ICE1: variants seen among roughly 807,000 people sequenced by gnomAD.
The protein encoded by ICE1 is little elongation complex subunit 1.
A neutral mutation model predicts 192.7 loss-of-function variants in ICE1; 64 were observed. The observed-to-expected ratio is 0.33, with a 90% CI of 0.27 to 0.41. The LOEUF (loss-of-function observed/expected upper bound fraction) is 0.41. ICE1 is among the 10% of genes least tolerant of loss of function. ICE1 has a pLI of 1.00. For missense variants in ICE1, 2,708 were observed against 2,696.0 expected (o/e 1.00, Z -0.10); for synonymous variants, 1,010 against 984.5 (o/e 1.03, Z -0.49).
At chr5:5,434,219 C>T (rs1285214262) in intron 1 of ICE1, among the ~76,000 whole-genome samples, 1 of 152,128 alleles carries the variant, frequency 6.6e-6, no homozygotes, top group African/African-American at 2.4e-5. Context: ...CAACCAATAA[C>T]CTGGAACAGA....
chr5:5,444,019 C>T (rs549435602), intron 6 of ICE1, among the ~76,000 whole-genome samples: 23 of 152,290 alleles, frequency 1.5e-4, no homozygotes, highest in African/African-American at 5.3e-4. Context: ...AATGATGCCA[C>T]TGCAGTTCAG....
chr5:5,456,657 C>T (rs745331270), intron 11 of ICE1, among the ~76,000 whole-genome samples: 2 of 151,914 alleles, frequency 1.3e-5, no homozygotes, highest in Non-Finnish European at 2.9e-5. Context: ...CTTCCCAGCC[C>T]GATAATCAAC....
chr5:5,488,768 T>C (rs1440125062), intron 18 of ICE1, among the ~76,000 whole-genome samples: 1 of 152,214 alleles, frequency 6.6e-6, no homozygotes, highest in African/African-American at 2.4e-5. Flanking sequence ...TAGAGTCATA[T>C]GTTTAATGAA....
chr5:5,483,215 CA>C (rs1485327635), intron 17 of ICE1, among the ~76,000 whole-genome samples: 1 of 152,238 alleles, frequency 6.6e-6, no homozygotes, highest in African/African-American at 2.4e-5. Flanking sequence ...AGGCTGGTCT[CA>C]AACTCCCGGC....
In ICE1 at chr5:5,454,542, T is replaced by C. The variant is rs772139289; in HGVS notation, c.605-10T>C. The C allele has an allele frequency of 5.6e-6, 9 of 1,605,660 alleles. No homozygotes were observed. Among genetic ancestry groups the C allele is most frequent in the South Asian group, 4.4e-5 (4 of 90,688 alleles). ...ATGACGTGACTTTAATGCTTTGCTC[T>C]GTTTCACAGGAAAAGTGAAACTGCT... On this transcript the variant is annotated splice_polypyrimidine_tract_variant and intron_variant, in intron 10 of 18. Coordinates refer to ENST00000296564, the MANE Select transcript of ICE1 (RefSeq NM_015325.3).
chr5:5,429,666 C>T (rs936999269), intron 1 of ICE1, among the ~76,000 whole-genome samples: 2 of 152,152 alleles, frequency 1.3e-5, no homozygotes, highest in African/African-American at 4.8e-5. Context: ...TTAGCATAAC[C>T]ATTTTCCTGG....
chr5:5,435,906 G>T (rs1203745215), intron 1 of ICE1, among the ~76,000 whole-genome samples: 3 of 151,956 alleles, frequency 2.0e-5, no homozygotes, highest in Non-Finnish European at 4.4e-5. Flanking sequence ...CTGACCTCAG[G>T]TAATCCGCCT....
At chr5:5,471,567 A>C (rs1014845791) in intron 15 of ICE1, among the ~76,000 whole-genome samples, 5 of 152,162 alleles carry the variant, frequency 3.3e-5, no homozygotes, top group Non-Finnish European at 5.9e-5. Flanking sequence ...TTCAGTATGT[A>C]TTCAAAGAAT....
At chr5:5,445,471 T>A (rs925402858) in intron 7 of ICE1, among the ~76,000 whole-genome samples, 1 of 152,156 alleles carries the variant, frequency 6.6e-6, no homozygotes, top group African/African-American at 2.4e-5. Context: ...TCTCTCTCTG[T>A]CACTCAGGCT....
At position 5,423,879 on chromosome 5, in the gene ICE1, A is replaced by G. The variant is rs535525362; in HGVS notation, c.84+880A>G. Reference sequence around the variant, plus strand: ...ATAGGATCTCTCATAAGTAAGATGCATATGTGTGAATAAGGCCTCAGAAGA... The same window carrying G: ...ATAGGATCTCTCATAAGTAAGATGCGTATGTGTGAATAAGGCCTCAGAAGA... On this transcript the variant is annotated intron_variant, in intron 1 of 18. Transcript: ENST00000296564. Among the ~76,000 whole-genome samples the G allele has an allele frequency of 2.0e-5, 3 of 152,368 alleles. No individual in the cohort carries two copies. The South Asian group carries it at 6.2e-4, about 32-fold the overall frequency.
intron 1 of ICE1, among the ~76,000 whole-genome samples, chr5:5,423,892 A>C (rs779371632): frequency 1.3e-5 from 2 of 152,252 alleles, no homozygotes; most frequent in Non-Finnish European, 2.9e-5. Flanking sequence ...TGTGTGAATA[A>C]GGCCTCAGAA....
chr5:5,453,994 A>G (rs1208502519), intron 10 of ICE1, among the ~76,000 whole-genome samples: 1 of 152,150 alleles, frequency 6.6e-6, no homozygotes, highest in Non-Finnish European at 1.5e-5. Flanking sequence ...GTTCATACGC[A>G]CACATTCCCG....
rs773555555 is a variant in ICE1, at chr5:5,464,408, TCTC to T, written c.5079_5081del (p.Pro1694del). 7 of 1,613,548 alleles carry T rather than the reference TCTC, an allele frequency of 4.3e-6. No individual in the cohort carries two copies. The highest frequency in any genetic ancestry group is 3.3e-5 in the Admixed American group (2 of 59,986). ...ATGGCCAGAGGACCCCAGACGTGCC[TCTC>T]CTCCAGATCCTTCTCCATCTCCATC... On this transcript the variant is annotated inframe_deletion, in exon 13 of 19. Transcript: ENST00000296564. The surrounding 1 kb of genome is among the most constrained non-coding windows in gnomAD (Gnocchi z 4.0).
rs780586382 is a variant in ICE1 at position 5,465,141 on chromosome 5, A to G, written c.5807A>G (p.His1936Arg). 1.9e-6 allele frequency: 3 copies of G among 1,610,496 alleles called. No homozygotes were observed. The highest frequency in any genetic ancestry group is 2.7e-5 in the African/African-American group (2 of 75,030). ...GATCTGTTACCTGTCATTCGTAGTCATGTGTATGTGGGAAATATCTCCAAA... is the reference window on the plus strand; with the variant it reads ...GATCTGTTACCTGTCATTCGTAGTCGTGTGTATGTGGGAAATATCTCCAAA... ...SFDLLPVIRSHVYVGNISKKP... is the reference protein window; with the variant it reads ...SFDLLPVIRSRVYVGNISKKP... The change falls in exon 13 of 19, where the codon CAT becomes CGT. Residue 1936 changes from histidine (H) to arginine (R), a missense_variant. By Grantham distance (29) the His-to-Arg change is conservative. Around this residue, in one of 2 missense-constraint regions of ICE1, gnomAD observed 342 missense variants for 419.3 expected, o/e 0.82. Coordinates refer to ENST00000296564, the MANE Select transcript of ICE1 (RefSeq NM_015325.3).
chr5:5,463,180 T>C lies in ICE1; in HGVS notation c.3846T>C (p.Thr1282=). ...TNSEDCNGKD[T]GSLLLLNVNN... Reference sequence around the variant, plus strand: ...CTGAAGATTGCAATGGTAAAGATACTGGCAGTTTATTGCTCTTAAATGTAA... The same window carrying C: ...CTGAAGATTGCAATGGTAAAGATACCGGCAGTTTATTGCTCTTAAATGTAA... Residue 1282 remains threonine (T), a synonymous_variant, in exon 13 of 19, where the codon ACT becomes ACC. Coordinates refer to ENST00000296564, the MANE Select transcript of ICE1 (RefSeq NM_015325.3). 6.2e-7 allele frequency: 1 copy of C among 1,611,946 alleles called. No homozygotes were observed. Among genetic ancestry groups the C allele is most frequent in the Non-Finnish European group, 8.5e-7 (1 of 1,179,106 alleles).
intron 1 of ICE1, 69 bp downstream of exon 1, chr5:5,423,068 T>TGG: frequency 9.1e-7 from 1 of 1,104,264 alleles, no homozygotes; most frequent in Non-Finnish European, 1.2e-6. Context: ...CGCAGGGATG[T>TGG]GGGGTCCGGC....
intron 18 of ICE1, among the ~76,000 whole-genome samples, chr5:5,487,381 C>G (rs1739664289): frequency 6.6e-6 from 1 of 152,144 alleles, no homozygotes; most frequent in Admixed American, 6.5e-5. Context: ...AGGGATGAAT[C>G]TAGTTTTTAT....
At chr5:5,468,784 C>G in intron 14 of ICE1, 44 bp from the exon 15 acceptor site, 1 of 1,186,400 alleles carries the variant, frequency 8.4e-7, no homozygotes, top group East Asian at 2.9e-5. Flanking sequence ...TTTATTTACT[C>G]GATCATACAT....
At chr5:5,470,548 C>G (rs1019063380) in intron 15 of ICE1, among the ~76,000 whole-genome samples, 1 of 151,092 alleles carries the variant, frequency 6.6e-6, no homozygotes, top group African/African-American at 2.5e-5. Flanking sequence ...TTTCCAAATA[C>G]TCACTTACAG....
Sources: gnomAD v4.1 joint callset for allele counts (sites outside exome capture counted in the v4.1 genomes callset) on GRCh38, gnomAD v4.1.1 for gene constraint, gnomAD v4.1.1 regional missense constraint, Gnocchi (gnomAD v3.1) non-coding constraint, MANE v1.5 for transcripts, NCBI Gene and HGNC (gene_info 2026-07-23, HGNC 2026-07-21) for gene names.